Variants in CELF2 observed in about 807,000 individuals in gnomAD.
The protein encoded by CELF2 is CUGBP Elav-like family member 2.
A neutral mutation model predicts 62.6 loss-of-function variants in CELF2; 8 were observed. That is an observed-to-expected ratio of 0.13 (90% CI 0.07 to 0.23). The LOEUF is 0.23. CELF2 is among the 10% of genes least tolerant of loss of function. The pLI, the probability that CELF2 is intolerant of heterozygous loss-of-function variation, is 1.00. For synonymous variants in CELF2, 258 were observed against 250.0 expected, an observed-to-expected ratio of 1.03 and a Z score of -0.30; for missense variants, 333 against 671.0, an observed-to-expected ratio of 0.50 and a Z score of 5.56.
intron 1 of CELF2, among the ~76,000 whole-genome samples, chr10:11,119,798 A>G (rs1322771820): frequency 6.6e-6 from 1 of 151,536 alleles, no homozygotes; most frequent in Admixed American, 6.6e-5. Flanking sequence ...AGTGATCAAG[A>G]GGATGCATAT....
At chr10:11,068,754 G>T (rs1019653142) in intron 1 of CELF2, among the ~76,000 whole-genome samples, 12 of 151,982 alleles carry the variant, frequency 7.9e-5, no homozygotes, top group Non-Finnish European at 1.6e-4. Context: ...TAGAGATGGG[G>T]TTTCACCGTG....
Position 10,852,286 on chromosome 10 carries a change from T to C in CELF2, c.53+53469T>C, listed in dbSNP as rs148134053. 7.5e-4 allele frequency among the ~76,000 whole-genome samples: 114 copies of C among 152,344 alleles called. 1 individual carries two copies. The highest frequency in any genetic ancestry group is 7.5e-3 in the Admixed American group (114 of 15,300). The stretch of plus-strand genomic sequence containing the variant: ...AACAAAGAAACAAACTATGGGTTTA[T>C]GCAACAACTTGGATGGATCTCAGGG... On this transcript the variant is annotated intron_variant, in intron 1 of 13. Coordinates refer to the CELF2 transcript ENST00000636488.
chr10:10,885,339 A>G (rs2061686844), intron 1 of CELF2, among the ~76,000 whole-genome samples: 1 of 151,992 alleles, frequency 6.6e-6, no homozygotes, highest in Non-Finnish European at 1.5e-5. Context: ...AATGCTTTCT[A>G]GAAGAAAAGT....
chr10:10,923,473 C>T lies in CELF2; in HGVS notation c.89+3474C>T, dbSNP rs78261445. Among the ~76,000 whole-genome samples, 421 of 152,252 alleles carry T rather than the reference C, an allele frequency of 2.8e-3. 9 individuals carry two copies. The East Asian group carries it at 0.028, about 10-fold the overall frequency. ...GTGGATAATATTCTGTGAAAATGTG[C>T]GCATGCTGTAGCAGTGGATTGCGTC... is the stretch of plus-strand genomic sequence containing the variant. On this transcript the variant is annotated intron_variant, in intron 2 of 13. Coordinates refer to the CELF2 transcript ENST00000636488.
chr10:10,741,262 C>T, the CELF2 span, among the ~76,000 whole-genome samples: 3 of 151,956 alleles, frequency 2.0e-5, no homozygotes, highest in Non-Finnish European at 4.4e-5. Flanking sequence ...CCTGTCATCC[C>T]AGCACTTTGG....
chr10:10,893,519 A>G (rs1354211763), intron 1 of CELF2, among the ~76,000 whole-genome samples: 1 of 152,188 alleles, frequency 6.6e-6, no homozygotes, highest in African/African-American at 2.4e-5. Flanking sequence ...GGGTCCCCAG[A>G]GCAAACCCAG....
At chr10:11,129,806 G>A (rs565452403) in intron 1 of CELF2, among the ~76,000 whole-genome samples, 2 of 152,142 alleles carry the variant, frequency 1.3e-5, no homozygotes, top group African/African-American at 4.8e-5. Context: ...CAATTTTGTT[G>A]ATCTTTTCAA....
At chr10:10,988,302 G>T (rs1225108065) in intron 2 of CELF2, among the ~76,000 whole-genome samples, 2 of 151,746 alleles carry the variant, frequency 1.3e-5, no homozygotes, top group African/African-American at 2.4e-5. Context: ...TATAGAGAGA[G>T]AGAGAGAGAG....
At chr10:10,842,097 G>A (rs1472175252) in intron 1 of CELF2, among the ~76,000 whole-genome samples, 16 of 151,934 alleles carry the variant, frequency 1.1e-4, no homozygotes, top group Non-Finnish European at 5.9e-5. Context: ...GACTCCAATT[G>A]TTCATTGCTG....
intron 1 of CELF2, among the ~76,000 whole-genome samples, chr10:11,048,844 G>A (rs2063340533): frequency 6.6e-6 from 1 of 152,182 alleles, no homozygotes; most frequent in Non-Finnish European, 1.5e-5. Context: ...GCACATAAGT[G>A]CATTACATGT....
At chr10:11,275,239 G>A in intron 8 of CELF2, 119 bp downstream of exon 8, 4 of 1,056,194 alleles carry the variant, frequency 3.8e-6, no homozygotes, top group South Asian at 1.3e-5. Flanking sequence ...AGACTTGTTA[G>A]CTTTCTGTCT....
At chr10:10,665,346 T>C in the CELF2 span, among the ~76,000 whole-genome samples, 2 of 152,196 alleles carry the variant, frequency 1.3e-5, no homozygotes, top group Non-Finnish European at 2.9e-5. Context: ...AAATCCATAA[T>C]ATGCATAAAG....
intron 1 of CELF2, among the ~76,000 whole-genome samples, chr10:11,032,146 C>CA (rs56364371): frequency 0.085 from 7,338 of 86,090 alleles, 489 homozygotes; most frequent in African/African-American, 0.13. Flanking sequence ...AGGGCTTAGC[C>CA]AAAAAAAAAA....
At position 10,924,724 on chromosome 10, in the gene CELF2, C is replaced by CTTTTTTTTTTTTTT. The variant is rs745848953; in HGVS notation, c.89+4730_89+4743dup. ...GTATATTAATCCAGTAACTTGATCG[C>CTTTTTTTTTTTTTT]TTTTTTTTTTTTTTTTTTGCCTTCT... On this transcript the variant is annotated intron_variant, in intron 2 of 13. Transcript: ENST00000636488. 9.8e-4 allele frequency among the ~76,000 whole-genome samples: 87 copies of CTTTTTTTTTTTTTT among 89,148 alleles called. 3 individuals carry two copies. Among genetic ancestry groups the CTTTTTTTTTTTTTT allele is most frequent in the Middle Eastern group, 0.01 (1 of 98 alleles). 58.5% of individuals were successfully genotyped at this position (89,148 alleles called of 152,430 possible). A position where few individuals can be genotyped will look rare whatever the true frequency, so the allele number is the denominator to read the frequency against.
Position 10,993,312 on chromosome 10 carries a change from A to C in CELF2, c.89+73313A>C, listed in dbSNP as rs1045864572. Among the ~76,000 whole-genome samples the C allele has an allele frequency of 1.3e-5, 2 of 152,054 alleles. No individual in the cohort carries two copies. Among genetic ancestry groups the C allele is most frequent in the Admixed American group, 1.3e-4 (2 of 15,258 alleles). On this transcript the variant is annotated intron_variant, in intron 2 of 13. Coordinates refer to the CELF2 transcript ENST00000636488. This position sits in a 1 kb window ranked among gnomAD's most constrained non-coding sequence, Gnocchi z 5.3. Reference sequence around the variant, plus strand: ...CATTTGACTCATTACAAAGGCTTTGACTCATTTCAAAGCCATCACAAGAGG... The same window carrying C: ...CATTTGACTCATTACAAAGGCTTTGCCTCATTTCAAAGCCATCACAAGAGG...
chr10:11,245,113 G>C (rs957913033), intron 3 of CELF2, among the ~76,000 whole-genome samples: 2 of 152,100 alleles, frequency 1.3e-5, no homozygotes, highest in Non-Finnish European at 2.9e-5. Context: ...AGTCATACTG[G>C]GTCAAATCAT....
At chr10:10,735,328 C>T in the CELF2 span, among the ~76,000 whole-genome samples, 6 of 152,154 alleles carry the variant, frequency 3.9e-5, no homozygotes, top group African/African-American at 1.2e-4. Flanking sequence ...TTACAGTCAA[C>T]TTTTAAAAAT....
the CELF2 span, among the ~76,000 whole-genome samples, chr10:10,759,353 A>T: frequency 7.8e-6 from 1 of 127,550 alleles, no homozygotes; most frequent in Non-Finnish European, 1.6e-5. Context: ...CTTGTCTCCC[A>T]GGCTGGAGCA....
chr10:11,099,881 CAACAA>C (rs1349116377), intron 1 of CELF2, among the ~76,000 whole-genome samples: 279 of 133,758 alleles, frequency 2.1e-3, no homozygotes, highest in African/African-American at 7.0e-3. Flanking sequence ...ACAACAACAA[CAACAA>C]AAAAAAAAAA....
Sources: gnomAD v4.1 joint callset for allele counts (sites outside exome capture counted in the v4.1 genomes callset) on GRCh38, gnomAD v4.1.1 for gene constraint, Gnocchi (gnomAD v3.1) non-coding constraint, MANE v1.5 for transcripts, NCBI Gene and HGNC (gene_info 2026-07-23, HGNC 2026-07-21) for gene names.